The following CRKL variants were observed in gnomAD, a reference collection of about 807,000 sequenced individuals.
CRKL encodes crk-like protein.
A neutral mutation model predicts 23.0 loss-of-function variants in CRKL; 3 were observed. That is an observed-to-expected ratio of 0.13 (90% CI 0.06 to 0.34). The LOEUF is 0.34. CRKL is among the 10% of genes least tolerant of loss of function. The pLI, the probability that CRKL is intolerant of heterozygous loss-of-function variation, is 1.00. For synonymous variants in CRKL, 188 were observed against 160.7 expected (o/e 1.17, Z -1.28); for missense variants, 256 against 394.5 (o/e 0.65, Z 2.97).
intron 1 of CRKL, among the ~76,000 whole-genome samples, chr22:20,925,181 C>A (rs538291163): frequency 3.0e-5 from 3 of 99,528 alleles, no homozygotes; most frequent in Admixed American, 1.3e-4. Context: ...AGCGAGACTC[C>A]GTCTCAAAAA....
intron 1 of CRKL, among the ~76,000 whole-genome samples, chr22:20,933,000 A>T (rs1367582623): frequency 6.6e-6 from 1 of 152,044 alleles, no homozygotes; most frequent in African/African-American, 2.4e-5. Flanking sequence ...AAATCACTTG[A>T]ACACGGGAGG....
At chr22:20,921,393 T>C (rs1215656326) in intron 1 of CRKL, among the ~76,000 whole-genome samples, 2 of 152,160 alleles carry the variant, frequency 1.3e-5, no homozygotes, top group African/African-American at 2.4e-5. Context: ...TATAACCCAG[T>C]GTAACCCAGT....
Position 20,917,822 on chromosome 22 carries a change from G to T in CRKL, c.-113G>T. On this transcript the variant is annotated 5_prime_UTR_variant, in exon 1 of 3. Coordinates refer to ENST00000354336, the MANE Select transcript of CRKL (RefSeq NM_005207.4). ...TGGCCCAGCCCTCTGAGCGCTCCTCGAGGTGTGCGAGAGGCCCTTCCTCGG... is the reference window on the plus strand; with the variant it reads ...TGGCCCAGCCCTCTGAGCGCTCCTCTAGGTGTGCGAGAGGCCCTTCCTCGG... 9.7e-7 allele frequency: 1 copy of T among 1,033,610 alleles called. No individual in the cohort carries two copies. Among genetic ancestry groups the T allele is most frequent in the South Asian group, 1.6e-5 (1 of 60,608 alleles). The allele number at this position is 1,033,610 out of a possible 1,614,324, so 64.0% of individuals were successfully genotyped here. A position where few individuals can be genotyped will look rare whatever the true frequency, so the allele number is the denominator to read the frequency against.
At chr22:20,934,621 C>T (rs1315053716) in intron 2 of CRKL, among the ~76,000 whole-genome samples, 1 of 151,926 alleles carries the variant, frequency 6.6e-6, no homozygotes, top group East Asian at 1.9e-4. Context: ...TTCTTGTTCC[C>T]AAAGCCTAAC....
Position 20,953,219 on chromosome 22 carries a change from T to C in CRKL, c.*3374T>C. The C allele has an allele frequency of 4.3e-6, 1 of 232,068 alleles. No individual in the cohort carries two copies. The highest frequency in any genetic ancestry group is 8.5e-6 in the Non-Finnish European group (1 of 117,112). 14.4% of individuals were successfully genotyped at this position (232,068 alleles called of 1,614,324 possible). On this transcript the variant is annotated 3_prime_UTR_variant, in exon 3 of 3. Transcript: ENST00000354336. ...GTTTTAACACAGTACCTAAGACTAA[T>C]GCTTTCTGTGGACACCACTGAGCTC... is the stretch of plus-strand genomic sequence containing the variant.
intron 1 of CRKL, among the ~76,000 whole-genome samples, chr22:20,931,610 T>C (rs1425201116): frequency 6.6e-6 from 1 of 152,076 alleles, no homozygotes; most frequent in African/African-American, 2.4e-5. Context: ...AGAACCAGAC[T>C]CCCTGAGTGC....
At position 20,952,045 on chromosome 22, in the gene CRKL, A is replaced by G. The variant is rs376149893; in HGVS notation, c.*2200A>G. ...GAGTCCCCAGACTCTGCCTAGAAAC[A>G]GTGTTTGCCCTTTGGCCAGTGACGT... On this transcript the variant is annotated 3_prime_UTR_variant, in exon 3 of 3. Coordinates refer to ENST00000354336, the MANE Select transcript of CRKL (RefSeq NM_005207.4). The G allele has an allele frequency of 2.6e-4, 59 of 226,202 alleles. 1 individual carries two copies. The highest frequency in any genetic ancestry group is 1.3e-3 in the African/African-American group (58 of 45,078). The allele number at this position is 226,202 out of a possible 1,614,324, so 14.0% of individuals were successfully genotyped here.
At chr22:20,935,663 C>A (rs1272753694) in intron 2 of CRKL, among the ~76,000 whole-genome samples, 1 of 150,734 alleles carries the variant, frequency 6.6e-6, no homozygotes, top group Non-Finnish European at 1.5e-5. Flanking sequence ...AGTAGCGGGG[C>A]TACAGGCATG....
At position 20,933,871 on chromosome 22, in the gene CRKL, C is replaced by T. The variant is rs2147904764; in HGVS notation, c.404C>T (p.Pro135Leu). 6.2e-7 allele frequency: 1 copy of T among 1,614,114 alleles called. No individual in the cohort carries two copies. The highest frequency in any genetic ancestry group is 8.5e-7 in the Non-Finnish European group (1 of 1,180,030). ...TATGTACGGACTCTGTATGATTTTC[C>T]TGGGAATGATGCCGAAGACCTGCCC... is the stretch of plus-strand genomic sequence containing the variant. The part of the protein sequence containing the change: ...LEYVRTLYDF[P>L]GNDAEDLPFK... The change falls in exon 2 of 3, where the codon CCT (proline) becomes CTT (leucine). Residue 135 changes from proline (P) to leucine (L), a missense_variant. This residue lies in a region of CRKL where 129 missense variants were observed against 222.1 expected (regional missense o/e 0.58). Coordinates refer to ENST00000354336, the MANE Select transcript of CRKL (RefSeq NM_005207.4).
At chr22:20,936,894 T>A (rs1900415422) in intron 2 of CRKL, among the ~76,000 whole-genome samples, 1 of 151,360 alleles carries the variant, frequency 6.6e-6, no homozygotes, top group Non-Finnish European at 1.5e-5. Flanking sequence ...GGAGTCTCAT[T>A]TGTTGCCCAA....
At chr22:20,923,576 AT>A (rs34489759) in intron 1 of CRKL, among the ~76,000 whole-genome samples, 56,403 of 119,678 alleles carry the variant, frequency 0.47, 12,863 homozygotes, top group East Asian at 0.84. Context: ...CGCGCCTGGC[AT>A]TTTTTTTTTT....
intron 2 of CRKL, among the ~76,000 whole-genome samples, chr22:20,944,988 G>A (rs1210734013): frequency 6.6e-6 from 1 of 151,786 alleles, no homozygotes; most frequent in African/African-American, 2.4e-5. Flanking sequence ...GCCCTGCCTG[G>A]AATTACTTTC....
Position 20,918,037 on chromosome 22 carries a change from A to C in CRKL, c.103A>C (p.Met35Leu), listed in dbSNP as rs746762587. Reference protein sequence around the residue: ...QTRLQGQRHGMFLVRDSSTCP... With the variant: ...QTRLQGQRHGLFLVRDSSTCP... ...CCGGCTCCAGGGCCAGCGCCACGGT[A>C]TGTTCCTCGTCCGCGATTCTTCCAC... Residue 35 changes from methionine to leucine, a missense_variant, in exon 1 of 3, where the codon ATG becomes CTG. Physicochemically the swap from Met to Leu is conservative, Grantham distance 15 (BLOSUM62 2). Coordinates refer to ENST00000354336, the MANE Select transcript of CRKL (RefSeq NM_005207.4). 1.9e-6 allele frequency: 3 copies of C among 1,614,138 alleles called. No homozygotes were observed. Among genetic ancestry groups the C allele is most frequent in the Non-Finnish European group, 1.7e-6 (2 of 1,180,026 alleles).
chr22:20,930,901 C>T (rs1320289642), intron 1 of CRKL, among the ~76,000 whole-genome samples: 2 of 151,374 alleles, frequency 1.3e-5, no homozygotes, highest in Non-Finnish European at 2.9e-5. Flanking sequence ...CCAGGATGGT[C>T]TCAATCTCCT....
At chr22:20,927,189 TGAA>T (rs1348711226) in intron 1 of CRKL, among the ~76,000 whole-genome samples, 2 of 83,040 alleles carry the variant, frequency 2.4e-5, no homozygotes, top group Non-Finnish European at 4.6e-5. Flanking sequence ...ATCTTGGAAT[TGAA>T]TTTTTTTTTT....
chr22:20,918,337 C>T, intron 1 of CRKL, 92 bp downstream of exon 1: 4 of 1,390,382 alleles, frequency 2.9e-6, no homozygotes, highest in Non-Finnish European at 2.9e-6. Flanking sequence ...CGCTTGAACC[C>T]ATATTCCCCG....
chr22:20,939,740 G>T (rs925033024), intron 2 of CRKL, among the ~76,000 whole-genome samples: 2 of 151,296 alleles, frequency 1.3e-5, no homozygotes, highest in East Asian at 3.9e-4. Flanking sequence ...TTTGTTGTTG[G>T]TTTGGTTTTT....
At chr22:20,919,856 T>C (rs1261900259) in intron 1 of CRKL, among the ~76,000 whole-genome samples, 6 of 149,682 alleles carry the variant, frequency 4.0e-5, no homozygotes, top group Admixed American at 3.3e-4. Flanking sequence ...AAAAAAGCCA[T>C]GACAGTATAA....
chr22:20,942,627 C>CT (rs111837295), intron 2 of CRKL, among the ~76,000 whole-genome samples: 330 of 146,264 alleles, frequency 2.3e-3, no homozygotes, highest in African/African-American at 5.5e-3. Flanking sequence ...CTGTGTTTAG[C>CT]TTTTTTTTTT....
Sources: allele counts gnomAD v4.1 joint callset (sites outside exome capture counted in the v4.1 genomes callset), GRCh38; gene constraint gnomAD v4.1.1; regional missense constraint gnomAD v4.1.1; transcripts MANE v1.5; gene names NCBI Gene and HGNC (gene_info 2026-07-23, HGNC 2026-07-21).